LRMDA: variants seen among roughly 807,000 people sequenced by gnomAD.
The protein encoded by LRMDA is leucine rich melanocyte differentiation associated.
LRMDA carries 18 observed loss-of-function variants against 29.8 expected under a neutral mutation model. The observed-to-expected ratio is 0.60, with a 90% CI of 0.42 to 0.90. The LOEUF is 0.90. Among genes scored for constraint, LRMDA ranks in the 40% least tolerant of loss-of-function variants. The probability of loss-of-function intolerance (pLI) is 0.00; values close to 1 mark genes in which losing one functional copy is unlikely to be tolerated. For synonymous variants in LRMDA, 125 were observed against 109.4 expected (o/e 1.14, Z -0.89); for missense variants, 273 against 273.9 (o/e 1.00, Z 0.02).
chr10:76,042,046 A>G (rs1000228294), intron 3 of LRMDA, among the ~76,000 whole-genome samples: 16 of 152,000 alleles, frequency 1.1e-4, no homozygotes, highest in Non-Finnish European at 2.2e-4. Flanking sequence ...AAGAAATGTG[A>G]GAAGTTCTAT....
chr10:76,331,210 G>A (rs1840900849), intron 6 of LRMDA, among the ~76,000 whole-genome samples: 1 of 152,176 alleles, frequency 6.6e-6, no homozygotes, highest in Non-Finnish European at 1.5e-5. Flanking sequence ...GGCGAAGGTT[G>A]CAGTGAGTGG....
intron 2 of LRMDA, among the ~76,000 whole-genome samples, chr10:75,643,421 C>T (rs552908560): frequency 7.2e-5 from 11 of 152,270 alleles, no homozygotes; most frequent in Admixed American, 2.6e-4. Context: ...GCAAGTGTTC[C>T]GGGGAATGAG....
At chr10:76,140,489 C>G (rs948133743) in intron 5 of LRMDA, among the ~76,000 whole-genome samples, 3 of 152,104 alleles carry the variant, frequency 2.0e-5, no homozygotes, top group African/African-American at 4.8e-5. Flanking sequence ...CTCAAGCCAC[C>G]TTTTTAAGAT....
intron 6 of LRMDA, among the ~76,000 whole-genome samples, chr10:76,383,389 G>GT (rs1185506743): frequency 4.6e-5 from 6 of 129,114 alleles, no homozygotes; most frequent in African/African-American, 1.7e-4. Context: ...TTACCTTTCA[G>GT]TTTTTTGAGT....
At chr10:75,957,199 A>G (rs1329794757) in intron 2 of LRMDA, among the ~76,000 whole-genome samples, 1 of 152,180 alleles carries the variant, frequency 6.6e-6, no homozygotes, top group Non-Finnish European at 1.5e-5. Flanking sequence ...TAGTCTTTGT[A>G]TTTGAGTACA....
chr10:75,979,206 ACTG>A (rs1319776382), intron 2 of LRMDA, among the ~76,000 whole-genome samples: 1 of 152,172 alleles, frequency 6.6e-6, no homozygotes, highest in Non-Finnish European at 1.5e-5. Context: ...GGCTTATATT[ACTG>A]CTATTATTAA....
chr10:76,308,797 T>G (rs1003285289), intron 5 of LRMDA, among the ~76,000 whole-genome samples: 2 of 152,206 alleles, frequency 1.3e-5, no homozygotes, highest in Non-Finnish European at 2.9e-5. Flanking sequence ...AAATATAATT[T>G]CTAAGTCACT....
intron 5 of LRMDA, among the ~76,000 whole-genome samples, chr10:76,095,899 C>T (rs1221767338): frequency 6.6e-6 from 1 of 150,448 alleles, no homozygotes; most frequent in African/African-American, 2.5e-5. Flanking sequence ...GAGCCGAGAT[C>T]GTGCCACTGC....
intron 5 of LRMDA, among the ~76,000 whole-genome samples, chr10:76,065,249 C>T (rs771630533): frequency 5.3e-5 from 8 of 152,136 alleles, no homozygotes; most frequent in Non-Finnish European, 1.2e-4. Flanking sequence ...TCTTTGGAGG[C>T]GGCCTCTGTA....
rs141475115 is a variant in LRMDA, at chr10:76,042,931, G to A, written c.259-4233G>A. 4.6e-5 allele frequency among the ~76,000 whole-genome samples: 7 copies of A among 152,228 alleles called. No homozygotes were observed. In the East Asian group the frequency reaches 1.2e-3, roughly 25 times the overall value. ...CACATTTCTTTCATATATGATAGGA[G>A]CTGTATAAGATTTCAGGACATTTTG... On this transcript the variant is annotated intron_variant, in intron 3 of 6. Coordinates refer to ENST00000611255, the MANE Select transcript of LRMDA (RefSeq NM_001305581.2).
At chr10:76,316,452 G>C (rs1840700721) in intron 5 of LRMDA, among the ~76,000 whole-genome samples, 1 of 152,210 alleles carries the variant, frequency 6.6e-6, no homozygotes, top group South Asian at 2.1e-4. Context: ...GCTCACCCTT[G>C]ACAGATGTGG....
intron 2 of LRMDA, among the ~76,000 whole-genome samples, chr10:75,811,774 A>G (rs1319245700): frequency 2.6e-5 from 4 of 152,164 alleles, no homozygotes; most frequent in Non-Finnish European, 5.9e-5. Flanking sequence ...TGGGCCTGGA[A>G]CACACGGCAA....
intron 5 of LRMDA, among the ~76,000 whole-genome samples, chr10:76,288,960 G>A (rs1355936378): frequency 6.6e-6 from 1 of 152,160 alleles, no homozygotes; most frequent in Non-Finnish European, 1.5e-5. Context: ...TAAAGTAGTA[G>A]TTATGGAAAC....
At chr10:75,747,829 C>G (rs1842906965) in intron 2 of LRMDA, among the ~76,000 whole-genome samples, 1 of 151,970 alleles carries the variant, frequency 6.6e-6, no homozygotes, top group Non-Finnish European at 1.5e-5. Flanking sequence ...CGAGTGTCCC[C>G]TCTTCTACAC....
chr10:76,523,059 A>T (rs977548043), intron 6 of LRMDA, among the ~76,000 whole-genome samples: 27 of 152,048 alleles, frequency 1.8e-4, no homozygotes, highest in Admixed American at 7.2e-4. Flanking sequence ...CATGTCCTGC[A>T]AATGGGTACC....
At chr10:75,608,833 A>C (rs1340422442) in intron 2 of LRMDA, among the ~76,000 whole-genome samples, 4 of 152,062 alleles carry the variant, frequency 2.6e-5, no homozygotes, top group Non-Finnish European at 4.4e-5. Context: ...CTCTCTGTTC[A>C]CTGTTTCTTC....
chr10:76,020,516 G>A (rs962489627), intron 2 of LRMDA, among the ~76,000 whole-genome samples: 15 of 152,166 alleles, frequency 9.9e-5, no homozygotes, highest in African/African-American at 3.4e-4. Context: ...GAAATGGGGG[G>A]CTGCCTGATG....
At chr10:75,797,658 G>T (rs1843675585) in intron 2 of LRMDA, among the ~76,000 whole-genome samples, 1 of 152,128 alleles carries the variant, frequency 6.6e-6, no homozygotes, top group African/African-American at 2.4e-5. Context: ...GGTGTTGTGT[G>T]TCTGGCTTCT....
At chr10:75,900,636 G>T (rs1845654934) in intron 2 of LRMDA, among the ~76,000 whole-genome samples, 1 of 152,078 alleles carries the variant, frequency 6.6e-6, no homozygotes, top group African/African-American at 2.4e-5. Flanking sequence ...CCCCTGGAGG[G>T]GTTAATGCAC....
Sources: allele counts gnomAD v4.1 joint callset (sites outside exome capture counted in the v4.1 genomes callset), GRCh38; gene constraint gnomAD v4.1.1; transcripts MANE v1.5; gene names NCBI Gene and HGNC (gene_info 2026-07-23, HGNC 2026-07-21).